PAXX: variants seen among roughly 807,000 people sequenced by gnomAD.
The protein encoded by PAXX is PAXX non-homologous end joining factor.
A neutral mutation model predicts 25.6 loss-of-function variants in PAXX; 27 were observed. The observed-to-expected ratio is 1.06, with a 90% CI of 0.78 to 1.46. The LOEUF is 1.46. Among genes scored for constraint, PAXX ranks in the 40% most tolerant of loss-of-function variants. The pLI, the probability that PAXX is intolerant of heterozygous loss-of-function variation, is 0.00. For synonymous variants in PAXX, 126 were observed against 125.7 expected (o/e 1.00, Z -0.02); for missense variants, 295 against 280.2 (o/e 1.05, Z -0.38).
rs370369437 is a variant in PAXX, at chr9:136,993,645, A to T, written c.556A>T (p.Ile186Phe). The change falls in exon 6 of 7, where the codon ATC (isoleucine) becomes TTC (phenylalanine). Residue 186 changes from isoleucine to phenylalanine, a missense_variant. By Grantham distance (21) the Ile-to-Phe change is conservative. Coordinates refer to ENST00000371620, the MANE Select transcript of PAXX (RefSeq NM_183241.3). Reference sequence around the variant, plus strand: ...GAGGCGGTGTCCAGGAGAGTCGCTCATCAACCCCGGGTTCAAGAGGTACCC... The same window carrying T: ...GAGGCGGTGTCCAGGAGAGTCGCTCTTCAACCCCGGGTTCAAGAGGTACCC... Reference protein sequence around the residue: ...VRRRCPGESLINPGFKSKKPA... With the variant: ...VRRRCPGESLFNPGFKSKKPA... The T allele has an allele frequency of 1.5e-5, 25 of 1,613,650 alleles. No homozygotes were observed. Among genetic ancestry groups the T allele is most frequent in the Non-Finnish European group, 2.1e-5 (25 of 1,179,990 alleles).
chr9:136,993,641 G>A lies in PAXX; in HGVS notation c.552G>A (p.Ser184=), dbSNP rs747225740. Residue 184 remains serine (S), a synonymous_variant, in exon 6 of 7, where the codon TCG becomes TCA. Coordinates refer to ENST00000371620, the MANE Select transcript of PAXX (RefSeq NM_183241.3). ...TCAGGAGGCGGTGTCCAGGAGAGTC[G>A]CTCATCAACCCCGGGTTCAAGAGGT... ...PGVRRRCPGE[S]LINPGFKSKK... is the part of the protein sequence containing the mutation. 8 of 1,613,632 alleles carry A rather than the reference G, an allele frequency of 5.0e-6. No individual in the cohort carries two copies. The highest frequency in any genetic ancestry group is 3.3e-5 in the South Asian group (3 of 91,086).
Position 136,992,975 on chromosome 9 carries a change from G to T in PAXX, c.230+1G>T. 1 of 1,613,550 alleles carries T rather than the reference G, an allele frequency of 6.2e-7. No homozygotes were observed. Among genetic ancestry groups the T allele is most frequent in the Non-Finnish European group, 8.5e-7 (1 of 1,179,994 alleles). ...CTGAGGACATCACCCCCCGGTTCAG[G>T]TGAGACCCAAGCAGGGAGGAAGGAC... On this transcript the variant is annotated splice_donor_variant, in intron 3 of 6. Transcript: ENST00000371620. LOFTEE classifies it high-confidence loss of function.
At chr9:136,992,799 C>A in intron 2 of PAXX, 99 bp downstream of exon 2, 1 of 1,587,570 alleles carries the variant, frequency 6.3e-7, no homozygotes, top group Non-Finnish European at 8.6e-7. Context: ...AAGGCTCTGA[C>A]ACCCTCTGCC....
In PAXX at chr9:136,993,883, C is replaced by T. The variant is rs971031198; in HGVS notation, c.*78C>T. 2 of 1,402,228 alleles carry T rather than the reference C, an allele frequency of 1.4e-6. No homozygotes were observed. The highest frequency in any genetic ancestry group is 1.4e-5 in the African/African-American group (1 of 70,388). 86.9% of individuals were successfully genotyped at this position (1,402,228 alleles called of 1,614,324 possible). On this transcript the variant is annotated 3_prime_UTR_variant, in exon 7 of 7. Coordinates refer to ENST00000371620, the MANE Select transcript of PAXX (RefSeq NM_183241.3). Reference sequence around the variant, plus strand: ...AGTCTTTGAGGCCCCCATCAGAGACCCCCCGCCACCACCTCCACCTGCCTG... The same window carrying T: ...AGTCTTTGAGGCCCCCATCAGAGACTCCCCGCCACCACCTCCACCTGCCTG...
At position 136,992,532 on chromosome 9, in the gene PAXX, G is replaced by A. The variant is rs1433811734; in HGVS notation, c.89G>A (p.Gly30Glu). 1.4e-6 allele frequency: 2 copies of A among 1,459,142 alleles called. No individual in the cohort carries two copies. The highest frequency in any genetic ancestry group is 2.9e-5 in the African/African-American group (2 of 69,850). The allele number at this position is 1,459,142 out of a possible 1,614,324, so 90.4% of individuals were successfully genotyped here. The change falls in exon 1 of 7, where the codon GGG becomes GAG. Residue 30 changes from glycine to glutamate, a missense_variant. Gly to Glu is a moderately conservative substitution (Grantham distance 98). Transcript: ENST00000371620. ...TGCTACTGCGAAGGGGAGGAAAGCGGGGAGGGGGACCGCGGCGGCTTCAAC... is the reference window on the plus strand; with the variant it reads ...TGCTACTGCGAAGGGGAGGAAAGCGAGGAGGGGGACCGCGGCGGCTTCAAC... The part of the protein sequence containing the change: ...FVCYCEGEES[G>E]EGDRGGFNLY...
In PAXX at chr9:136,992,435, C is replaced by G. The variant is rs1830596046; in HGVS notation, c.-9C>G. 8.3e-7 allele frequency: 1 copy of G among 1,202,296 alleles called. No homozygotes were observed. The highest frequency in any genetic ancestry group is 1.6e-5 in the African/African-American group (1 of 62,116). 74.5% of individuals were successfully genotyped at this position (1,202,296 alleles called of 1,614,324 possible). ...CCCCGCCCCGCCGGGTTCCCGCTCG[C>G]CCGGCGCCATGGATCCGCTGTCGCC... On this transcript the variant is annotated 5_prime_UTR_variant, in exon 1 of 7. Coordinates refer to ENST00000371620, the MANE Select transcript of PAXX (RefSeq NM_183241.3).
chr9:136,992,628 C>T lies in PAXX; in HGVS notation c.120-12C>T. 1.3e-6 allele frequency: 2 copies of T among 1,541,016 alleles called. No individual in the cohort carries two copies. The highest frequency in any genetic ancestry group is 1.7e-6 in the Non-Finnish European group (2 of 1,145,496). On this transcript the variant is annotated splice_polypyrimidine_tract_variant and intron_variant, in intron 1 of 6. Transcript: ENST00000371620. ...CCGCGGGCGGCCCCGCCTGACAGGC[C>T]TTCTCCCCCAGCGTGACCGACGCCG...
At position 136,992,450 on chromosome 9, in the gene PAXX, CCGCTGTCGCCGCCGCTCTGCA is replaced by C. The variant is rs1464587232; in HGVS notation, c.13_33del (p.Ser5_Leu11del). ...TTCCCGCTCGCCCGGCGCCATGGAT[CCGCTGTCGCCGCCGCTCTGCA>C]CGCTGCCGCCGGGCCCCGAGCCGCC... On this transcript the variant is annotated inframe_deletion, in exon 1 of 7. Transcript: ENST00000371620. 4 of 1,286,500 alleles carry C rather than the reference CCGCTGTCGCCGCCGCTCTGCA, an allele frequency of 3.1e-6. No individual in the cohort carries two copies. Among genetic ancestry groups the C allele is most frequent in the Non-Finnish European group, 4.0e-6 (4 of 987,816 alleles). The allele number at this position is 1,286,500 out of a possible 1,614,324, so 79.7% of individuals were successfully genotyped here. A position where few individuals can be genotyped will look rare whatever the true frequency, so the allele number is the denominator to read the frequency against.
Position 136,992,457 on chromosome 9 carries a change from C to A in PAXX, c.14C>A (p.Ser5Ter). The A allele has an allele frequency of 1.5e-6, 2 of 1,319,424 alleles. No homozygotes were observed. Among genetic ancestry groups the A allele is most frequent in the South Asian group, 1.8e-5 (1 of 56,882 alleles). The allele number at this position is 1,319,424 out of a possible 1,614,324, so 81.7% of individuals were successfully genotyped here. MDPL[S>*]PPLCTLPPGP... ...TCGCCCGGCGCCATGGATCCGCTGT[C>A]GCCGCCGCTCTGCACGCTGCCGCCG... The change falls in exon 1 of 7, where the codon TCG (serine) becomes TAG (stop). Residue 5 changes from serine (S) to a stop codon, truncating the protein, a stop_gained. Transcript: ENST00000371620. LOFTEE classifies it high-confidence loss of function.
chr9:136,992,491 G>A lies in PAXX; in HGVS notation c.48G>A (p.Glu16=). The change falls in exon 1 of 7, where the codon GAG becomes GAA. Residue 16 remains glutamate, a synonymous_variant. Transcript: ENST00000371620. ...TCTGCACGCTGCCGCCGGGCCCCGAGCCGCCCCGCTTCGTGTGCTACTGCG... is the reference window on the plus strand; with the variant it reads ...TCTGCACGCTGCCGCCGGGCCCCGAACCGCCCCGCTTCGTGTGCTACTGCG... ...PPLCTLPPGP[E]PPRFVCYCEG... is the part of the protein sequence containing the mutation. The A allele has an allele frequency of 7.2e-7, 1 of 1,391,606 alleles. No homozygotes were observed. 86.2% of individuals were successfully genotyped at this position (1,391,606 alleles called of 1,614,324 possible). A position where few individuals can be genotyped will look rare whatever the true frequency, so the allele number is the denominator to read the frequency against.
intron 2 of PAXX, 36 bp downstream of exon 2, chr9:136,992,736 C>G: frequency 6.5e-7 from 1 of 1,544,862 alleles, no homozygotes; most frequent in Non-Finnish European, 8.7e-7. Context: ...CCGCCACACC[C>G]CTCCTTGCAG....
chr9:136,993,477 C>T, intron 5 of PAXX, 66 bp downstream of exon 5: 12 of 1,595,632 alleles, frequency 7.5e-6, no homozygotes, highest in Admixed American at 3.4e-5. Flanking sequence ...AGTTTCCCCC[C>T]AAACAAGACT....
At position 136,993,777 on chromosome 9, in the gene PAXX, C is replaced by T. The variant is rs1341408376; in HGVS notation, c.587C>T (p.Ala196Val). The change falls in exon 7 of 7, where the codon GCT (alanine) becomes GTT (valine). Residue 196 changes from alanine to valine, a missense_variant. By Grantham distance (64) the Ala-to-Val change is moderately conservative. Coordinates refer to ENST00000371620, the MANE Select transcript of PAXX (RefSeq NM_183241.3). ...CTCTTCCCTCCCAGTAAGAAACCAG[C>T]TGGTGGCGTGGACTTCGATGAGACC... ...INPGFKSKKP[A>V]GGVDFDET 3.1e-6 allele frequency: 5 copies of T among 1,613,846 alleles called. No homozygotes were observed. The African/African-American group carries it at 4.0e-5, about 13-fold the overall frequency.
At position 136,992,473 on chromosome 9, in the gene PAXX, G is replaced by A; in HGVS notation, c.30G>A (p.Thr10=). 2 of 1,376,898 alleles carry A rather than the reference G, an allele frequency of 1.5e-6. No individual in the cohort carries two copies. Among genetic ancestry groups the A allele is most frequent in the Non-Finnish European group, 1.9e-6 (2 of 1,059,850 alleles). The allele number at this position is 1,376,898 out of a possible 1,614,324, so 85.3% of individuals were successfully genotyped here. The change falls in exon 1 of 7, where the codon ACG becomes ACA. Residue 10 remains threonine, a synonymous_variant. Coordinates refer to ENST00000371620, the MANE Select transcript of PAXX (RefSeq NM_183241.3). ...ATCCGCTGTCGCCGCCGCTCTGCAC[G>A]CTGCCGCCGGGCCCCGAGCCGCCCC... The part of the protein sequence containing the change: MDPLSPPLC[T]LPPGPEPPRF...
At chr9:136,993,546 G>A in intron 5 of PAXX, 34 bp from the exon 6 acceptor site, 1 of 1,611,466 alleles carries the variant, frequency 6.2e-7, no homozygotes, top group Non-Finnish European at 8.5e-7. Flanking sequence ...ATGCTGCCAG[G>A]TTCAGGAGCT....
In PAXX at chr9:136,992,572, G is replaced by T; in HGVS notation, c.119+10G>T. On this transcript the variant is annotated intron_variant, in intron 1 of 6. Coordinates refer to ENST00000371620, the MANE Select transcript of PAXX (RefSeq NM_183241.3). The stretch of plus-strand genomic sequence containing the variant: ...GCGGCTTCAACCTCTAGTGAGTGGG[G>T]GTCCGCGGGGAGGTAGGGGTGCAGG... 2 of 1,508,156 alleles carry T rather than the reference G, an allele frequency of 1.3e-6. No homozygotes were observed. Among genetic ancestry groups the T allele is most frequent in the South Asian group, 1.2e-5 (1 of 80,060 alleles). The allele number at this position is 1,508,156 out of a possible 1,614,324, so 93.4% of individuals were successfully genotyped here. A position where few individuals can be genotyped will look rare whatever the true frequency, so the allele number is the denominator to read the frequency against.
intron 6 of PAXX, 29 bp from the exon 7 acceptor site, chr9:136,993,737 G>A (rs761585135): frequency 1.2e-5 from 20 of 1,613,704 alleles, no homozygotes; most frequent in Admixed American, 1.7e-5. Context: ...ACACCATAGT[G>A]CCATAGTGAC....
chr9:136,993,048 C>T lies in PAXX; in HGVS notation c.231-5C>T. The T allele has an allele frequency of 1.9e-6, 3 of 1,612,596 alleles. No homozygotes were observed. The highest frequency in any genetic ancestry group is 2.5e-6 in the Non-Finnish European group (3 of 1,179,922). ...CCACAGCTCTCCGCACCTCTCCTCTCCCAGGGCAGCCTGTGAGCAGCAAGC... is the reference window on the plus strand; with the variant it reads ...CCACAGCTCTCCGCACCTCTCCTCTTCCAGGGCAGCCTGTGAGCAGCAAGC... On this transcript the variant is annotated splice_polypyrimidine_tract_variant and splice_region_variant and intron_variant, in intron 3 of 6. Coordinates refer to ENST00000371620, the MANE Select transcript of PAXX (RefSeq NM_183241.3).
chr9:136,992,597 G>A, intron 1 of PAXX, 35 bp downstream of exon 1: 1 of 1,528,974 alleles, frequency 6.5e-7, no homozygotes, highest in Non-Finnish European at 8.8e-7. Context: ...AGGGGTGCAG[G>A]GAGCTCCGCG....
Sources: gnomAD v4.1 joint callset for allele counts on GRCh38, gnomAD v4.1.1 for gene constraint, MANE v1.5 for transcripts, NCBI Gene and HGNC (gene_info 2026-07-23, HGNC 2026-07-21) for gene names.